Variants in RPSA2 observed in about 807,000 individuals in gnomAD.
RPSA2 encodes small ribosomal subunit protein uS2B.
At chr19:23,783,555 A>AC in the RPSA2 span, among the ~76,000 whole-genome samples, 2 of 151,360 alleles carry the variant, frequency 1.3e-5, no homozygotes, top group Non-Finnish European at 2.9e-5. Flanking sequence ...AAAAAAAAAA[A>AC]AGATTGTGAC....
At chr19:23,865,887 A>C in the RPSA2 span, among the ~76,000 whole-genome samples, 1 of 152,220 alleles carries the variant, frequency 6.6e-6, no homozygotes, top group Non-Finnish European at 1.5e-5. Flanking sequence ...CCCATTCACT[A>C]TAGGGCTGTT....
chr19:23,828,127 A>AAG, the RPSA2 span: 5 of 545,674 alleles, frequency 9.2e-6, no homozygotes, highest in Middle Eastern at 4.6e-4. Context: ...AAAAAAAAAA[A>AAG]AAAAAAAATG....
At chr19:23,860,565 G>A in the RPSA2 span, among the ~76,000 whole-genome samples, 1 of 152,116 alleles carries the variant, frequency 6.6e-6, no homozygotes, top group Non-Finnish European at 1.5e-5. Context: ...CCTGGTACCA[G>A]GTGTAGATGT....
chr19:23,778,995 CT>C, the RPSA2 span, among the ~76,000 whole-genome samples: 4 of 80,694 alleles, frequency 5.0e-5, no homozygotes, highest in African/African-American at 2.1e-4. Flanking sequence ...TTTTGTGACA[CT>C]TTTTTTTTTT....
the RPSA2 span, among the ~76,000 whole-genome samples, chr19:23,761,921 T>TCTCTCTCTC: frequency 1.3e-4 from 10 of 76,194 alleles, 2 homozygotes; most frequent in Middle Eastern, 0.011. Context: ...TCTTTCTTTC[T>TCTCTCTCTC]TTTTTTTTTT....
At chr19:23,816,612 A>G in the RPSA2 span, among the ~76,000 whole-genome samples, 8 of 152,154 alleles carry the variant, frequency 5.3e-5, no homozygotes, top group South Asian at 1.7e-3. Context: ...AGTTTCTTTA[A>G]TTATTATCTT....
the RPSA2 span, among the ~76,000 whole-genome samples, chr19:23,801,410 G>A: frequency 6.6e-6 from 1 of 152,042 alleles, no homozygotes. Context: ...GGCTAATTTT[G>A]TATTACTTTT....
At chr19:23,773,110 T>TA in the RPSA2 span, among the ~76,000 whole-genome samples, 1 of 42,120 alleles carries the variant, frequency 2.4e-5, no homozygotes. Flanking sequence ...TATATATTTT[T>TA]ATTTTGGATG....
chr19:23,765,187 T>G, the RPSA2 span, among the ~76,000 whole-genome samples: 1 of 152,208 alleles, frequency 6.6e-6, no homozygotes, highest in African/African-American at 2.4e-5. Flanking sequence ...TCTACACTGT[T>G]GGTGGGAGTG....
chr19:23,830,723 C>G, the RPSA2 span, among the ~76,000 whole-genome samples: 2 of 151,682 alleles, frequency 1.3e-5, no homozygotes, highest in Non-Finnish European at 2.9e-5. Context: ...TCAATGAGAA[C>G]TATTCAATTT....
the RPSA2 span, among the ~76,000 whole-genome samples, chr19:23,863,753 A>G: frequency 1.3e-5 from 2 of 152,234 alleles, no homozygotes; most frequent in African/African-American, 4.8e-5. Flanking sequence ...AATTCCATTT[A>G]CTGTAAAGAT....
chr19:23,772,352 C>T, the RPSA2 span, among the ~76,000 whole-genome samples: 1 of 152,086 alleles, frequency 6.6e-6, no homozygotes, highest in African/African-American at 2.4e-5. Context: ...TGCTTGGTTC[C>T]TTCCCTCAGG....
chr19:23,767,304 C>T, the RPSA2 span, among the ~76,000 whole-genome samples: 1 of 152,146 alleles, frequency 6.6e-6, no homozygotes, highest in East Asian at 1.9e-4. Context: ...GTCTCTAACT[C>T]ATGACCTCAG....
At chr19:23,852,233 C>G in the RPSA2 span, among the ~76,000 whole-genome samples, 4 of 152,288 alleles carry the variant, frequency 2.6e-5, no homozygotes, top group East Asian at 7.7e-4. Context: ...GCATAGAAAA[C>G]AAGTTAGCAC....
At chr19:23,836,521 T>C in the RPSA2 span, among the ~76,000 whole-genome samples, 19 of 152,228 alleles carry the variant, frequency 1.2e-4, no homozygotes, top group African/African-American at 4.6e-4. Context: ...TATTTTTCTC[T>C]GGGTAGATAC....
the RPSA2 span, among the ~76,000 whole-genome samples, chr19:23,862,604 C>G: frequency 6.6e-6 from 1 of 152,134 alleles, no homozygotes; most frequent in Non-Finnish European, 1.5e-5. Flanking sequence ...TTGAATTTTT[C>G]AAAGGCCTTT....
the RPSA2 span, among the ~76,000 whole-genome samples, chr19:23,861,563 C>T: frequency 9.2e-5 from 14 of 152,208 alleles, no homozygotes; most frequent in African/African-American, 3.1e-4. Context: ...TTCTACTGTA[C>T]TTTTCCACCG....
chr19:23,848,237 G>T, the RPSA2 span, among the ~76,000 whole-genome samples: 3 of 152,140 alleles, frequency 2.0e-5, no homozygotes, highest in African/African-American at 7.2e-5. Flanking sequence ...TTCCTCTGCC[G>T]TGGCTCCAGC....
At chr19:23,832,199 T>C in the RPSA2 span, 2 of 431,898 alleles carry the variant, frequency 4.6e-6, no homozygotes, top group Non-Finnish European at 9.3e-6. Flanking sequence ...TATAAGAGGA[T>C]GCACAGAAGA....
Sources: gnomAD v4.1 joint callset for allele counts (sites outside exome capture counted in the v4.1 genomes callset) on GRCh38, gnomAD v4.1.1 for gene constraint, MANE v1.5 for transcripts, NCBI Gene and HGNC (gene_info 2026-07-23, HGNC 2026-07-21) for gene names.